The following PWWP3A variants were observed in gnomAD, a reference collection of about 807,000 sequenced individuals.
PWWP3A encodes the protein PWWP domain containing 3A, DNA repair factor.
In PWWP3A, 53 loss-of-function variants were observed where a neutral mutation model predicts 79.0. The observed-to-expected ratio is 0.67, with a 90% CI of 0.54 to 0.84. PWWP3A has a LOEUF of 0.84. PWWP3A is among the 40% of genes least tolerant of loss of function. PWWP3A has a pLI of 0.00. For synonymous variants in PWWP3A, 443 were observed against 394.4 expected (o/e 1.12, Z -1.46); for missense variants, 973 against 948.0 (o/e 1.03, Z -0.35).
chr19:1,356,696 G>A (rs555088735), intron 2 of PWWP3A, among the ~76,000 whole-genome samples: 7 of 151,968 alleles, frequency 4.6e-5, no homozygotes, highest in Non-Finnish European at 8.8e-5. Context: ...GGCATGTAAG[G>A]CTGTAACTCA....
At chr19:1,367,066 C>G in intron 8 of PWWP3A, 94 bp from the exon 9 acceptor site, 1 of 955,342 alleles carries the variant, frequency 1.0e-6, no homozygotes, top group South Asian at 1.6e-5. Context: ...GGGCCTCCAG[C>G]GGCCTCCACT....
chr19:1,364,652 A>T, intron 7 of PWWP3A, 73 bp downstream of exon 7: 1 of 1,147,454 alleles, frequency 8.7e-7, no homozygotes, highest in Admixed American at 2.4e-5. Flanking sequence ...ATCCATCTTT[A>T]GTTCTTGATA....
At chr19:1,374,698 CA>C (rs2082329060) in intron 13 of PWWP3A, among the ~76,000 whole-genome samples, 1 of 152,144 alleles carries the variant, frequency 6.6e-6, no homozygotes, top group South Asian at 2.1e-4. Flanking sequence ...TTTTCCTTTA[CA>C]GGGAGGTCAC....
At position 1,376,932 on chromosome 19, in the gene PWWP3A, T is replaced by G. The variant is rs1466002338; in HGVS notation, c.*356T>G. The G allele has an allele frequency of 5.4e-6, 1 of 185,754 alleles. No homozygotes were observed. 11.5% of individuals were successfully genotyped at this position (185,754 alleles called of 1,614,324 possible). ...GATCTCGTATGTGTGGCATCTGATATTAAACGGGAGGTTTTAAGAAGCGTC... is the reference window on the plus strand; with the variant it reads ...GATCTCGTATGTGTGGCATCTGATAGTAAACGGGAGGTTTTAAGAAGCGTC... On this transcript the variant is annotated 3_prime_UTR_variant, in exon 14 of 14. Transcript: ENST00000591337.
chr19:1,356,463 T>C lies in PWWP3A; in HGVS notation c.57+14T>C. 6 of 1,613,636 alleles carry C rather than the reference T, an allele frequency of 3.7e-6. No homozygotes were observed. Among genetic ancestry groups the C allele is most frequent in the Non-Finnish European group, 5.1e-6 (6 of 1,179,512 alleles). On this transcript the variant is annotated intron_variant, in intron 2 of 13. Transcript: ENST00000591337. ...TGGCCTGCGAAGGTGACAGCCATTATTCTGTAACTTCAGGACTTAGAAATG... is the reference window on the plus strand; with the variant it reads ...TGGCCTGCGAAGGTGACAGCCATTACTCTGTAACTTCAGGACTTAGAAATG...
intron 12 of PWWP3A, chr19:1,371,336 G>C (rs1297869114): frequency 1.4e-6 from 1 of 706,324 alleles, no homozygotes; most frequent in East Asian, 2.7e-5. Context: ...TCAGCACCAG[G>C]GGGTGCGAAC....
In PWWP3A at chr19:1,366,464, G is replaced by A; in HGVS notation, c.1361+83G>A. On this transcript the variant is annotated intron_variant, in intron 8 of 13. Coordinates refer to ENST00000591337, the MANE Select transcript of PWWP3A (RefSeq NM_001369789.1). ...CAGAGTCAGAGCGGGCGTGGGGATG[G>A]AGGGACAGAGGGGAGGCCCCGGCAG... The A allele has an allele frequency of 2.3e-6, 3 of 1,277,854 alleles. No homozygotes were observed. In the South Asian group the frequency reaches 3.6e-5, roughly 15 times the overall value. The allele number at this position is 1,277,854 out of a possible 1,614,324, so 79.2% of individuals were successfully genotyped here.
At chr19:1,364,378 C>A in intron 6 of PWWP3A, 131 bp from the exon 7 acceptor site, 3 of 699,156 alleles carry the variant, frequency 4.3e-6, no homozygotes, top group Non-Finnish European at 2.5e-6. Context: ...ATCTTTTAAG[C>A]GAATGACACA....
rs749512288 is a variant in PWWP3A, at chr19:1,360,113, T to C, written c.215-23T>C. On this transcript the variant is annotated intron_variant, in intron 4 of 13. Transcript: ENST00000591337. The surrounding 1 kb of genome is among the most constrained non-coding windows in gnomAD (Gnocchi z 4.4). ...GCCTGTGCAGTGAACGTAACCGGCA[T>C]TGTGTATGTTCGGTCCTTGCAGCCT... The C allele has an allele frequency of 1.3e-6, 2 of 1,521,250 alleles. No homozygotes were observed. Among genetic ancestry groups the C allele is most frequent in the Non-Finnish European group, 1.8e-6 (2 of 1,136,650 alleles). 94.2% of individuals were successfully genotyped at this position (1,521,250 alleles called of 1,614,324 possible).
chr19:1,355,457 G>A (rs1319977404), intron 1 of PWWP3A, among the ~76,000 whole-genome samples: 1 of 106,956 alleles, frequency 9.3e-6, no homozygotes, highest in Admixed American at 9.2e-5. Flanking sequence ...CTCTTGCCTG[G>A]ACCCCCATCT....
In PWWP3A at chr19:1,357,097, TAA is replaced by T; in HGVS notation, c.143+4_143+5del. The T allele has an allele frequency of 6.2e-7, 1 of 1,600,210 alleles. No individual in the cohort carries two copies. The highest frequency in any genetic ancestry group is 8.5e-7 in the Non-Finnish European group (1 of 1,170,872). ...CAAATCCTCTCTCTAGAGGAAAAGTTAAGTGTTGTGTTGTTTTAATACTGTTT... is the reference window on the plus strand; with the variant it reads ...CAAATCCTCTCTCTAGAGGAAAAGTTGTGTTGTGTTGTTTTAATACTGTTT... On this transcript the variant is annotated splice_donor_5th_base_variant and intron_variant, in intron 3 of 13. Coordinates refer to ENST00000591337, the MANE Select transcript of PWWP3A (RefSeq NM_001369789.1).
At chr19:1,355,528 C>T (rs1307809081) in intron 1 of PWWP3A, among the ~76,000 whole-genome samples, 2 of 132,672 alleles carry the variant, frequency 1.5e-5, no homozygotes, top group East Asian at 4.8e-4. Flanking sequence ...CTGGACCCTC[C>T]GCTCCACCTC....
At position 1,368,543 on chromosome 19, in the gene PWWP3A, T is replaced by C. The variant is rs2082177324; in HGVS notation, c.1423-722T>C. Among the ~76,000 whole-genome samples the C allele has an allele frequency of 6.6e-6, 1 of 152,182 alleles. No individual in the cohort carries two copies. The highest frequency in any genetic ancestry group is 1.5e-5 in the Non-Finnish European group (1 of 68,026). On this transcript the variant is annotated intron_variant, in intron 9 of 13. Coordinates refer to ENST00000591337, the MANE Select transcript of PWWP3A (RefSeq NM_001369789.1). The surrounding 1 kb of genome is among the most constrained non-coding windows in gnomAD (Gnocchi z 4.7). ...TCCACCCGGCCCTGGGATGTGCTTA[T>C]GGGGTGCCCCCGTACCCCTAGTGGC... is the stretch of plus-strand genomic sequence containing the variant.
rs374858044 is a variant in PWWP3A at position 1,365,248 on chromosome 19, C to T, written c.1284+669C>T. On this transcript the variant is annotated intron_variant, in intron 7 of 13. Coordinates refer to ENST00000591337, the MANE Select transcript of PWWP3A (RefSeq NM_001369789.1). ...GGTTGCATGTGTACAAACAGGAATT[C>T]GAAATCCTGTCCAAGTTCCCGGTGT... Among the ~76,000 whole-genome samples, 9 of 152,240 alleles carry T rather than the reference C, an allele frequency of 5.9e-5. No homozygotes were observed. The East Asian group carries it at 1.3e-3, about 23-fold the overall frequency.
chr19:1,362,094 G>T, intron 5 of PWWP3A, 156 bp from the exon 6 acceptor site: 23 of 450,542 alleles, frequency 5.1e-5, no homozygotes, highest in Non-Finnish European at 7.9e-5. Context: ...TAGTTTATTA[G>T]AAGCGCACTC....
intron 6 of PWWP3A, 125 bp downstream of exon 6, chr19:1,362,476 T>G: frequency 1.5e-6 from 1 of 689,066 alleles, no homozygotes; most frequent in Non-Finnish European, 2.4e-6. Flanking sequence ...TCTCTCCCAC[T>G]GAACCGAGAC....
rs2082399504 is a variant in PWWP3A at position 1,376,317 on chromosome 19, T to TTTG, written c.2076-200_2076-199insGTT. On this transcript the variant is annotated intron_variant, in intron 13 of 13. Coordinates refer to ENST00000591337, the MANE Select transcript of PWWP3A (RefSeq NM_001369789.1). ...TTTGTTTTTTTTTTTGTTTGTTTTTTTTTTTTTTTGGTATTTTTTGTAGAG... is the reference window on the plus strand; with the variant it reads ...TTTGTTTTTTTTTTTGTTTGTTTTTTTTGTTTTTTTTTGGTATTTTTTGTAGAG... Among the ~76,000 whole-genome samples the TTTG allele has an allele frequency of 3.7e-5, 5 of 135,858 alleles. No individual in the cohort carries two copies. The South Asian group carries it at 1.0e-3, about 27-fold the overall frequency. 89.1% of individuals were successfully genotyped at this position (135,858 alleles called of 152,430 possible). A position where few individuals can be genotyped will look rare whatever the true frequency, so the allele number is the denominator to read the frequency against.
intron 6 of PWWP3A, chr19:1,364,265 A>G: frequency 1.5e-6 from 1 of 655,214 alleles, no homozygotes. Context: ...GCAGCTGGGA[A>G]CCCAGTGCAG....
chr19:1,357,164 C>T (rs2081891875), intron 3 of PWWP3A, 70 bp downstream of exon 3: 25 of 1,206,004 alleles, frequency 2.1e-5, no homozygotes, highest in Non-Finnish European at 3.0e-5. Context: ...CCCCTACTCC[C>T]CCAAAACAGT....
Sources: allele counts gnomAD v4.1 joint callset (sites outside exome capture counted in the v4.1 genomes callset), GRCh38; gene constraint gnomAD v4.1.1; non-coding constraint Gnocchi (gnomAD v3.1); transcripts MANE v1.5; gene names NCBI Gene and HGNC (gene_info 2026-07-23, HGNC 2026-07-21).